METTL15: variants seen among roughly 807,000 people sequenced by gnomAD.
METTL15 encodes 12S rRNA N(4)-cytidine methyltransferase METTL15.
In METTL15, 34 loss-of-function variants were observed where a neutral mutation model predicts 38.3. The ratio of observed to expected loss-of-function variants is 0.89; its 90% CI spans 0.68 to 1.18. The LOEUF is 1.18. Ranked by LOEUF, METTL15 falls within the 50% of genes most tolerant of loss-of-function variation. The pLI is 0.00. For missense variants in METTL15, 438 were observed against 498.4 expected, an observed-to-expected ratio of 0.88 and a Z score of 1.15; for synonymous variants, 162 against 170.9, an observed-to-expected ratio of 0.95 and a Z score of 0.41.
At chr11:28,524,050 A>T (rs893072505) in intron 6 of METTL15, among the ~76,000 whole-genome samples, 1 of 152,254 alleles carries the variant, frequency 6.6e-6, no homozygotes, top group African/African-American at 2.4e-5. Flanking sequence ...TTGAAAAATT[A>T]TATTCTGGGG....
intron 4 of METTL15, among the ~76,000 whole-genome samples, chr11:28,231,401 G>A (rs957654719): frequency 5.9e-5 from 9 of 151,850 alleles, no homozygotes; most frequent in African/African-American, 1.9e-4. Flanking sequence ...ATAAGATATC[G>A]CTGATTAAGA....
At chr11:28,376,917 G>A (rs1850320891) in intron 5 of METTL15, among the ~76,000 whole-genome samples, 2 of 134,564 alleles carry the variant, frequency 1.5e-5, no homozygotes, top group Non-Finnish European at 3.3e-5. Context: ...CTTCACTTAT[G>A]AAGCTTAGTT....
At chr11:28,437,815 T>A (rs1463524832) in intron 6 of METTL15, among the ~76,000 whole-genome samples, 1 of 152,242 alleles carries the variant, frequency 6.6e-6, no homozygotes, top group East Asian at 1.9e-4. Flanking sequence ...CTAAACATTC[T>A]TCACAGTGCC....
intron 4 of METTL15, among the ~76,000 whole-genome samples, chr11:28,230,010 G>A (rs1853625412): frequency 6.6e-6 from 1 of 151,706 alleles, no homozygotes; most frequent in Non-Finnish European, 1.5e-5. Flanking sequence ...TGGCTTTCTG[G>A]AAGCTACTTT....
chr11:28,269,528 G>A (rs149023692), intron 4 of METTL15, among the ~76,000 whole-genome samples: 6 of 151,842 alleles, frequency 4.0e-5, no homozygotes, highest in Admixed American at 6.6e-5. Context: ...TTATGGAAAC[G>A]AATTAACTGC....
At chr11:28,368,131 AAAAAAAAAAAACAAAAAAAAC>A (rs1850205368) in intron 5 of METTL15, among the ~76,000 whole-genome samples, 7 of 145,512 alleles carry the variant, frequency 4.8e-5, no homozygotes, top group East Asian at 4.3e-4. Context: ...TGCATAGCAA[AAAAAAAAAAAACAAAAAAAAC>A]AAAAAAAAAA....
intron 5 of METTL15, among the ~76,000 whole-genome samples, chr11:28,410,128 C>G (rs772916212): frequency 7.9e-5 from 12 of 152,002 alleles, no homozygotes; most frequent in Middle Eastern, 3.2e-3. Context: ...AACTAAAAAC[C>G]TTCCAACAAA....
At chr11:28,505,190 G>GT (rs1010586916) in intron 6 of METTL15, among the ~76,000 whole-genome samples, 39 of 152,008 alleles carry the variant, frequency 2.6e-4, no homozygotes, top group African/African-American at 8.0e-4. Context: ...GTGTATGTGT[G>GT]TTTTTTTTAA....
chr11:28,356,918 C>T (rs1014642682), intron 4 of METTL15, among the ~76,000 whole-genome samples: 1 of 152,084 alleles, frequency 6.6e-6, no homozygotes, highest in South Asian at 2.1e-4. Context: ...CTGGCTTGGC[C>T]CTGGCTGACA....
At chr11:28,390,468 C>G (rs919990500) in intron 5 of METTL15, among the ~76,000 whole-genome samples, 1 of 152,114 alleles carries the variant, frequency 6.6e-6, no homozygotes, top group Non-Finnish European at 1.5e-5. Context: ...TTTCGCAGCA[C>G]CATTTATTAA....
In METTL15 at chr11:28,381,376, C is replaced by G. The variant is rs144681831; in HGVS notation, c.*358+19340C>G. ...TTTGGTTGATTCTCTTTGGTGTTCTCTGACTTTCTGGATATTTATCTCTTT... is the reference window on the plus strand; with the variant it reads ...TTTGGTTGATTCTCTTTGGTGTTCTGTGACTTTCTGGATATTTATCTCTTT... On this transcript the variant is annotated intron_variant and NMD_transcript_variant, in intron 5 of 7. Coordinates refer to the METTL15 transcript ENST00000532947. Among the ~76,000 whole-genome samples the G allele has an allele frequency of 1.5e-3, 233 of 152,166 alleles. 1 individual carries two copies. Among genetic ancestry groups the G allele is most frequent in the Middle Eastern group, 6.8e-3 (2 of 292 alleles).
At chr11:28,487,409 T>G (rs571324250) in intron 6 of METTL15, among the ~76,000 whole-genome samples, 2 of 152,130 alleles carry the variant, frequency 1.3e-5, no homozygotes, top group Non-Finnish European at 2.9e-5. Context: ...AAGATACTTA[T>G]GATATATTTT....
At position 28,330,691 on chromosome 11, in the gene METTL15, A is replaced by C; in HGVS notation, c.1074A>C (p.Ser358=). 6.4e-7 allele frequency: 1 copy of C among 1,551,548 alleles called. No homozygotes were observed. The change falls in exon 7 of 7, where the codon TCA becomes TCC. Residue 358 remains serine, a synonymous_variant. Coordinates refer to ENST00000407364, the MANE Select transcript of METTL15 (RefSeq NM_001113528.2). ...TGATGAAAACATCTCAATTGGGTTC[A>C]GATCACGAAAACACGGAAGAAGTCT... ...QQVMKTSQLG[S]DHENTEEVSM...
intron 5 of METTL15, among the ~76,000 whole-genome samples, chr11:28,396,907 A>C (rs1850575846): frequency 6.6e-6 from 1 of 152,170 alleles, no homozygotes; most frequent in Admixed American, 6.6e-5. Context: ...AGACCAATGG[A>C]ACAGAACAGA....
intron 6 of METTL15, among the ~76,000 whole-genome samples, chr11:28,483,604 G>A (rs1590390634): frequency 6.6e-6 from 1 of 152,118 alleles, no homozygotes; most frequent in East Asian, 1.9e-4. Flanking sequence ...TGTCTTTGTG[G>A]GCCATATAGC....
At chr11:28,379,883 G>T (rs1264033026) in intron 5 of METTL15, among the ~76,000 whole-genome samples, 1 of 152,102 alleles carries the variant, frequency 6.6e-6, no homozygotes, top group South Asian at 2.1e-4. Context: ...TTATGTATTT[G>T]GGTGCTCCAG....
At chr11:28,290,700 C>G (rs534047960) in intron 5 of METTL15, among the ~76,000 whole-genome samples, 245 of 152,014 alleles carry the variant, frequency 1.6e-3, no homozygotes, top group Non-Finnish European at 2.5e-3. Flanking sequence ...CAGTAAATAT[C>G]ATGATACTGC....
chr11:28,367,666 G>A (rs1850199900), intron 5 of METTL15, among the ~76,000 whole-genome samples: 1 of 152,140 alleles, frequency 6.6e-6, no homozygotes, highest in South Asian at 2.1e-4. Flanking sequence ...GAAGAACAAA[G>A]TTGGAGGCAT....
At chr11:28,321,251 T>C (rs1849456914) in intron 6 of METTL15, among the ~76,000 whole-genome samples, 2 of 152,196 alleles carry the variant, frequency 1.3e-5, no homozygotes, top group African/African-American at 4.8e-5. Context: ...ACAATAATCC[T>C]GTGAGAAGTG....
Sources: gnomAD v4.1 joint callset for allele counts (sites outside exome capture counted in the v4.1 genomes callset) on GRCh38, gnomAD v4.1.1 for gene constraint, MANE v1.5 for transcripts, NCBI Gene and HGNC (gene_info 2026-07-23, HGNC 2026-07-21) for gene names.